GSE1: variants seen among roughly 807,000 people sequenced by gnomAD.
GSE1 encodes Gse1 coiled-coil protein.
Under a neutral mutation model 112.6 loss-of-function variants are expected in GSE1, and 32 were observed. That is an observed-to-expected ratio of 0.28 (90% CI 0.21 to 0.38). The LOEUF is 0.38. Ranked by LOEUF, GSE1 falls within the 10% of genes least tolerant of loss-of-function variation. GSE1 has a pLI of 1.00. For synonymous variants in GSE1, 1,115 were observed against 735.6 expected, an observed-to-expected ratio of 1.52 and a Z score of -8.35; for missense variants, 2,348 against 1,699.2, an observed-to-expected ratio of 1.38 and a Z score of -6.71.
chr16:85,211,299 G>GTT (rs1048513670), intron 1 of GSE1, among the ~76,000 whole-genome samples: 16 of 144,100 alleles, frequency 1.1e-4, no homozygotes, highest in African/African-American at 3.3e-4. Flanking sequence ...CAGGCTTGTG[G>GTT]TTTTTTTTTT....
At chr16:85,495,199 T>C (rs2051131660) in intron 2 of GSE1, among the ~76,000 whole-genome samples, 1 of 151,958 alleles carries the variant, frequency 6.6e-6, no homozygotes, top group South Asian at 2.1e-4. Flanking sequence ...AAAGCCAAGG[T>C]TGGGGTCCCT....
chr16:85,514,031 AC>A (rs2051834862), intron 2 of GSE1, among the ~76,000 whole-genome samples: 1 of 151,668 alleles, frequency 6.6e-6, no homozygotes, highest in Non-Finnish European at 1.5e-5. Flanking sequence ...AAAACAAAAG[AC>A]CCCAGGCTCC....
intron 2 of GSE1, among the ~76,000 whole-genome samples, chr16:85,466,424 C>T (rs2050123110): frequency 6.6e-6 from 1 of 152,208 alleles, no homozygotes; most frequent in Admixed American, 6.5e-5. Context: ...TGGGCCCAGG[C>T]CAGGCTCTGC....
intron 2 of GSE1, among the ~76,000 whole-genome samples, chr16:85,418,540 A>G (rs574457852): frequency 5.9e-4 from 90 of 152,302 alleles, no homozygotes; most frequent in African/African-American, 1.3e-3. Context: ...AGGAACAGGC[A>G]CACACAGGCC....
intron 2 of GSE1, among the ~76,000 whole-genome samples, chr16:85,448,768 C>T (rs2049583952): frequency 6.6e-6 from 1 of 152,232 alleles, no homozygotes; most frequent in Admixed American, 6.5e-5. Flanking sequence ...GGCAGGAAAC[C>T]ACCAACGTGT....
intron 1 of GSE1, among the ~76,000 whole-genome samples, chr16:85,591,601 C>T (rs2047005651): frequency 1.3e-5 from 2 of 152,238 alleles, no homozygotes; most frequent in African/African-American, 4.8e-5. Flanking sequence ...ACCAGCCTCC[C>T]CTCTGACCCT....
chr16:85,370,434 G>A (rs914282369), intron 2 of GSE1, among the ~76,000 whole-genome samples: 6 of 152,184 alleles, frequency 3.9e-5, no homozygotes, highest in African/African-American at 1.2e-4. Context: ...CTCACAAGAC[G>A]CAGAGAACAC....
chr16:85,353,082 C>A (rs1342962311), intron 1 of GSE1, among the ~76,000 whole-genome samples: 1 of 152,242 alleles, frequency 6.6e-6, no homozygotes, highest in Non-Finnish European at 1.5e-5. Context: ...TTCAACTGGG[C>A]CCTCTGCTCT....
chr16:85,635,712 C>T (rs1374042886), intron 2 of GSE1, among the ~76,000 whole-genome samples: 2 of 152,170 alleles, frequency 1.3e-5, no homozygotes, highest in African/African-American at 4.8e-5. Context: ...ACGGGCGGCA[C>T]GTGACTGGCG....
chr16:85,471,135 G>A (rs186317330), intron 2 of GSE1, among the ~76,000 whole-genome samples: 2 of 152,168 alleles, frequency 1.3e-5, no homozygotes, highest in Admixed American at 1.3e-4. Flanking sequence ...TCCCCCATTC[G>A]CCCTGGGTGC....
At chr16:85,252,891 C>T (rs1906638523) in intron 1 of GSE1, among the ~76,000 whole-genome samples, 1 of 152,216 alleles carries the variant, frequency 6.6e-6, no homozygotes, top group African/African-American at 2.4e-5. Context: ...GTGGGATGAC[C>T]ACAGGCTCGG....
At chr16:85,443,653 G>C (rs189890299) in intron 2 of GSE1, among the ~76,000 whole-genome samples, 1 of 152,240 alleles carries the variant, frequency 6.6e-6, no homozygotes, top group African/African-American at 2.4e-5. Flanking sequence ...GCGGGGAACC[G>C]AGGCCTGGCA....
chr16:85,410,953 C>CCT (rs1567748824), intron 2 of GSE1, among the ~76,000 whole-genome samples: 5 of 106,866 alleles, frequency 4.7e-5, no homozygotes, highest in Non-Finnish European at 5.3e-5. Context: ...CTCAGGCCCC[C>CCT]GGATAATCCT....
rs530057888 is a variant in GSE1, at chr16:85,312,538, A to G, written c.2284-44925A>G. ...TGTAAGGACGCTAGTTAGTGGATTTAGAGCCCCGTGGATTTGGGTGCATTT... is the reference window on the plus strand; with the variant it reads ...TGTAAGGACGCTAGTTAGTGGATTTGGAGCCCCGTGGATTTGGGTGCATTT... On this transcript the variant is annotated intron_variant, in intron 1 of 2. Coordinates refer to the GSE1 transcript ENST00000637419. Among the ~76,000 whole-genome samples, 648 of 152,344 alleles carry G rather than the reference A, an allele frequency of 4.3e-3. 3 individuals are homozygous for G. Among genetic ancestry groups the G allele is most frequent in the Admixed American group, 4.9e-3 (75 of 15,302 alleles).
chr16:85,377,473 A>G (rs769289640), intron 2 of GSE1, among the ~76,000 whole-genome samples: 1 of 152,210 alleles, frequency 6.6e-6, no homozygotes, highest in Non-Finnish European at 1.5e-5. Flanking sequence ...ACCTTGGGCA[A>G]GTTACCTACC....
intron 1 of GSE1, among the ~76,000 whole-genome samples, chr16:85,299,267 T>C (rs940511215): frequency 2.0e-5 from 3 of 152,232 alleles, no homozygotes; most frequent in Non-Finnish European, 4.4e-5. Context: ...ATGCGCCAGG[T>C]GCTGGATCTG....
intron 1 of GSE1, among the ~76,000 whole-genome samples, chr16:85,303,816 T>G (rs2045591155): frequency 6.6e-6 from 1 of 152,234 alleles, no homozygotes. Context: ...ACACAGGCCC[T>G]GGCCTGGCGG....
At chr16:85,608,943 G>A (rs1222470102), upstream of GSE1, among the ~76,000 whole-genome samples, 2 of 152,232 alleles carry the variant, frequency 1.3e-5, no homozygotes, top group Non-Finnish European at 2.9e-5. Context: ...AGGACCTTGG[G>A]TTAGGCTGTG....
chr16:85,236,340 G>A (rs1254540798), intron 1 of GSE1, among the ~76,000 whole-genome samples: 1 of 152,190 alleles, frequency 6.6e-6, no homozygotes, highest in Non-Finnish European at 1.5e-5. Flanking sequence ...ATCTGAGTGT[G>A]GTCAAGTCCA....
Sources: gnomAD v4.1 joint callset for allele counts (sites outside exome capture counted in the v4.1 genomes callset) on GRCh38, gnomAD v4.1.1 for gene constraint, MANE v1.5 for transcripts, NCBI Gene and HGNC (gene_info 2026-07-23, HGNC 2026-07-21) for gene names.